The following EYS variants were observed in gnomAD, a reference collection of about 807,000 sequenced individuals.
The protein encoded by EYS is EGF-like photoreceptor maintenance factor.
EYS carries 250 observed loss-of-function variants against 282.1 expected under a neutral mutation model. That is an observed-to-expected ratio of 0.89 (90% confidence interval 0.80 to 0.98). EYS has a LOEUF of 0.98. Among genes scored for constraint, EYS ranks in the 50% least tolerant of loss-of-function variants. EYS has a pLI of 0.00. For missense variants in EYS, 4,016 were observed against 3,709.0 expected (o/e 1.08, Z -2.15); for synonymous variants, 1,355 against 1,282.9 (o/e 1.06, Z -1.20).
At chr6:64,921,244 G>A (rs755249855) in intron 15 of EYS, among the ~76,000 whole-genome samples, 63 of 151,968 alleles carry the variant, frequency 4.1e-4, no homozygotes, top group Admixed American at 1.0e-3. Context: ...GTAAAAATAT[G>A]CAAAAATAAA....
intron 8 of EYS, among the ~76,000 whole-genome samples, chr6:65,375,796 TAATGA>T (rs968397336): frequency 1.3e-5 from 2 of 151,880 alleles, no homozygotes; most frequent in African/African-American, 4.8e-5. Context: ...AAGATCAACT[TAATGA>T]AATAAAGCGT....
Position 65,296,069 on chromosome 6 carries a change from T to G in EYS, c.1817A>C (p.Asp606Ala). The part of the protein sequence containing the change: ...YIGRLCVVNV[D>A]YCLGNHSISV... Reference sequence around the variant, plus strand: ...TATACTGTGGTTCCCTAAGCAATAGTCAACATTGACAACACACAATCTGCC... The same window carrying G: ...TATACTGTGGTTCCCTAAGCAATAGGCAACATTGACAACACACAATCTGCC... The change falls in exon 12 of 43, where the codon GAC becomes GCC. Residue 606 changes from aspartate to alanine, a missense_variant. Transcript: ENST00000503581. 1 of 1,550,598 alleles carries G rather than the reference T, an allele frequency of 6.4e-7. No homozygotes were observed. The highest frequency in any genetic ancestry group is 8.7e-7 in the Non-Finnish European group (1 of 1,146,304).
At chr6:65,334,891 C>T in intron 11 of EYS, 89 bp downstream of exon 11, 1 of 1,249,900 alleles carries the variant, frequency 8.0e-7, no homozygotes, top group Admixed American at 1.7e-5. Flanking sequence ...TCAACAAAAA[C>T]ATTGTTACCA....
intron 9 of EYS, among the ~76,000 whole-genome samples, chr6:65,349,619 C>A (rs1582171414): frequency 1.3e-5 from 2 of 151,384 alleles, no homozygotes; most frequent in African/African-American, 4.8e-5. Flanking sequence ...ATGACCAAAT[C>A]TAGCTAATTA....
chr6:64,572,246 C>A (rs1765750475), intron 26 of EYS, among the ~76,000 whole-genome samples: 2 of 152,142 alleles, frequency 1.3e-5, no homozygotes, highest in Non-Finnish European at 2.9e-5. Flanking sequence ...TAAAAACTCT[C>A]AATAAACTAG....
At chr6:64,047,136 A>G (rs1170554395) in intron 33 of EYS, among the ~76,000 whole-genome samples, 1 of 152,096 alleles carries the variant, frequency 6.6e-6, no homozygotes, top group East Asian at 1.9e-4. Context: ...CCAGGTAAAG[A>G]TGTTTTTCAA....
Position 64,066,417 on chromosome 6 carries a change from AC to A in EYS, c.6645del (p.Cys2216ValfsTer8). 1 of 1,550,086 alleles carries A rather than the reference AC, an allele frequency of 6.5e-7. No homozygotes were observed. On this transcript the variant is annotated frameshift_variant, in exon 33 of 43. Coordinates refer to ENST00000503581, the MANE Select transcript of EYS (RefSeq NM_001142800.2). LOFTEE classifies it high-confidence loss of function. ...GTCAAAATATTTTGAGAATTTCCAC[AC>A]CCATATTTAACTGATGGCCTTCCTT... The part of the protein sequence containing the change: ...LVEGRPSVKY[G>X]CGNSQNILTV...
At chr6:64,946,918 C>T (rs1483926361) in intron 14 of EYS, among the ~76,000 whole-genome samples, 1 of 151,818 alleles carries the variant, frequency 6.6e-6, no homozygotes, top group South Asian at 2.1e-4. Context: ...TTTGTAGTGG[C>T]TACTAGAAAA....
At chr6:65,083,558 A>G (rs1471306158) in intron 12 of EYS, among the ~76,000 whole-genome samples, 2 of 151,922 alleles carry the variant, frequency 1.3e-5, no homozygotes, top group Non-Finnish European at 2.9e-5. Context: ...ATAAAATAAA[A>G]TACATAACTG....
chr6:64,545,149 G>A (rs1171635097), intron 26 of EYS, among the ~76,000 whole-genome samples: 2 of 152,140 alleles, frequency 1.3e-5, no homozygotes, highest in Non-Finnish European at 2.9e-5. Flanking sequence ...AAATCCAGCA[G>A]CACATCAAAA....
intron 30 of EYS, among the ~76,000 whole-genome samples, chr6:64,261,912 C>T (rs1767601926): frequency 2.6e-5 from 4 of 151,742 alleles, no homozygotes; most frequent in South Asian, 2.1e-4. Flanking sequence ...GTGCACCACA[C>T]GCATGGCTAA....
chr6:63,981,952 T>C (rs545591589), intron 35 of EYS, among the ~76,000 whole-genome samples: 3 of 151,998 alleles, frequency 2.0e-5, no homozygotes, highest in South Asian at 2.1e-4. Flanking sequence ...ATATAAAGTA[T>C]AAATAAATCT....
At chr6:63,997,270 G>GCCAGAA (rs1206581580) in intron 34 of EYS, among the ~76,000 whole-genome samples, 1 of 152,210 alleles carries the variant, frequency 6.6e-6, no homozygotes, top group Non-Finnish European at 1.5e-5. Context: ...ACAAGATCCT[G>GCCAGAA]CCAGAACTTG....
chr6:63,807,000 A>C (rs545663085), intron 36 of EYS: 69 of 152,346 alleles, frequency 4.5e-4, no homozygotes, highest in African/African-American at 1.5e-3. Context: ...ATTGGTGTGA[A>C]AGTGTAGGGA....
chr6:64,931,464 A>T (rs1182908720), intron 15 of EYS, among the ~76,000 whole-genome samples: 1 of 152,114 alleles, frequency 6.6e-6, no homozygotes, highest in African/African-American at 2.4e-5. Flanking sequence ...TAATCAAATA[A>T]AGTTTTTCAA....
chr6:63,865,860 A>G (rs1027144009), intron 35 of EYS, among the ~76,000 whole-genome samples: 6 of 152,202 alleles, frequency 3.9e-5, no homozygotes, highest in African/African-American at 7.2e-5. Flanking sequence ...GTGAAACACT[A>G]TGAAAGTTTA....
chr6:63,721,201 C>G lies in EYS; in HGVS notation c.8830G>C (p.Val2944Leu). ...SYSCLCTLGW[V>L]GRYCENKTSF... ...GTTTTGTTTTCACAATACCTTCCCA[C>G]CCAACCCAAAGTACACAGGCAACTG... Residue 2944 changes from valine (V) to leucine (L), a missense_variant, in exon 43 of 43, where the codon GTG becomes CTG. Val to Leu is a conservative substitution (Grantham distance 32). Coordinates refer to ENST00000503581, the MANE Select transcript of EYS (RefSeq NM_001142800.2). 1.3e-6 allele frequency: 2 copies of G among 1,551,618 alleles called. No homozygotes were observed. Among genetic ancestry groups the G allele is most frequent in the Middle Eastern group, 1.7e-4 (1 of 5,998 alleles).
chr6:65,494,261 ATTTAT>A (rs1443484458), intron 4 of EYS, among the ~76,000 whole-genome samples: 1 of 150,976 alleles, frequency 6.6e-6, no homozygotes, highest in Admixed American at 6.6e-5. Context: ...ATTTTTATTT[ATTTAT>A]TTTATTTTAT....
At chr6:64,190,099 G>A (rs1765057642) in intron 31 of EYS, among the ~76,000 whole-genome samples, 1 of 152,106 alleles carries the variant, frequency 6.6e-6, no homozygotes. Context: ...AGGATGGAGT[G>A]GAGACAGATC....
Sources: gnomAD v4.1 joint callset for allele counts (sites outside exome capture counted in the v4.1 genomes callset) on GRCh38, gnomAD v4.1.1 for gene constraint, MANE v1.5 for transcripts, NCBI Gene and HGNC (gene_info 2026-07-23, HGNC 2026-07-21) for gene names.